The following RHOA variants were observed in gnomAD, a reference collection of about 807,000 sequenced individuals.
The protein encoded by RHOA is ras homolog family member A.
A neutral mutation model predicts 17.5 loss-of-function variants in RHOA; 3 were observed. That is an observed-to-expected ratio of 0.17 (90% CI 0.08 to 0.44). RHOA has a LOEUF of 0.44. RHOA is among the 20% of genes least tolerant of loss of function. The pLI, the probability that RHOA is intolerant of heterozygous loss-of-function variation, is 0.99. For synonymous variants in RHOA, 98 were observed against 88.4 expected (o/e 1.11, Z -0.61); for missense variants, 56 against 242.3 (o/e 0.23, Z 5.10).
intron 1 of RHOA, among the ~76,000 whole-genome samples, chr3:49,409,426 T>C (rs2048895979): frequency 1.3e-5 from 2 of 152,066 alleles, no homozygotes; most frequent in South Asian, 2.1e-4. Flanking sequence ...ACTACAACTA[T>C]ATGGCCAATT....
chr3:49,387,812 T>C (rs776965678), intron 1 of RHOA, among the ~76,000 whole-genome samples: 1 of 152,074 alleles, frequency 6.6e-6, no homozygotes, highest in Non-Finnish European at 1.5e-5. Flanking sequence ...TTGCATACAT[T>C]TCTTTTAGAT....
chr3:49,391,935 C>T (rs1575668724), intron 1 of RHOA, among the ~76,000 whole-genome samples: 1 of 145,172 alleles, frequency 6.9e-6, no homozygotes, highest in African/African-American at 2.6e-5. Flanking sequence ...TCAAGTGATT[C>T]TCCCGCCTCA....
intron 4 of RHOA, 93 bp from the exon 5 acceptor site, chr3:49,360,475 T>C: frequency 7.1e-7 from 1 of 1,410,718 alleles, no homozygotes; most frequent in Non-Finnish European, 9.4e-7. Context: ...AGATTTTTTT[T>C]TCTTTTTTTG....
At chr3:49,374,682 A>G (rs918709078) in intron 2 of RHOA, among the ~76,000 whole-genome samples, 9 of 152,154 alleles carry the variant, frequency 5.9e-5, no homozygotes, top group Non-Finnish European at 1.2e-4. Flanking sequence ...AGATTGTACC[A>G]CTGCACTCCA....
chr3:49,371,736 C>G (rs984352810), intron 2 of RHOA, among the ~76,000 whole-genome samples: 1 of 152,164 alleles, frequency 6.6e-6, no homozygotes, highest in Non-Finnish European at 1.5e-5. Flanking sequence ...AGAACCTCCC[C>G]CTATCTTGCG....
At chr3:49,401,551 T>C (rs1396065855) in intron 1 of RHOA, among the ~76,000 whole-genome samples, 1 of 90,740 alleles carries the variant, frequency 1.1e-5, no homozygotes, top group Non-Finnish European at 2.2e-5. Flanking sequence ...AGAATGAAAC[T>C]CTGTCTCAAA....
intron 4 of RHOA, chr3:49,360,944 G>C (rs1403353070): frequency 2.7e-6 from 1 of 369,026 alleles, no homozygotes; most frequent in Admixed American, 3.3e-5. Context: ...GTGGTAGTGG[G>C]CGCCTGTAAC....
chr3:49,369,301 G>GC (rs58627699), intron 2 of RHOA, among the ~76,000 whole-genome samples: 64,188 of 150,646 alleles, frequency 0.43, 15,082 homozygotes, highest in East Asian at 0.93. Flanking sequence ...GGGATTACAG[G>GC]CATGAGCCAC....
At position 49,381,604 on chromosome 3, in the gene RHOA, C is replaced by T. The variant is rs562034009; in HGVS notation, c.-2-6013G>A. 4.0e-5 allele frequency among the ~76,000 whole-genome samples: 6 copies of T among 151,026 alleles called. No homozygotes were observed. The East Asian group carries it at 7.9e-4, about 20-fold the overall frequency. On this transcript the variant is annotated intron_variant, in intron 1 of 4. Transcript: ENST00000418115. ...AAAAAAGGATTGGCATGGTGGCTCA[C>T]GCCTGTAATCCCAGCACTTTGGGAG...
intron 1 of RHOA, among the ~76,000 whole-genome samples, chr3:49,396,440 T>C (rs772919717): frequency 1.3e-5 from 2 of 151,934 alleles, no homozygotes; most frequent in Non-Finnish European, 2.9e-5. Context: ...TTGGGCGCGG[T>C]GGCTCGCACC....
intron 1 of RHOA, among the ~76,000 whole-genome samples, chr3:49,404,864 G>A (rs867854183): frequency 2.6e-5 from 4 of 151,428 alleles, no homozygotes; most frequent in African/African-American, 4.9e-5. Context: ...GCATGAACCC[G>A]GGAGGCAGAG....
chr3:49,402,936 C>G (rs960359668), intron 1 of RHOA, among the ~76,000 whole-genome samples: 4 of 151,508 alleles, frequency 2.6e-5, no homozygotes, highest in Non-Finnish European at 4.4e-5. Context: ...ACTCGGGAGG[C>G]TGAAGCAGAA....
At chr3:49,401,041 C>CAAAGAAAAAAAAAAAAA (rs2048715935) in intron 1 of RHOA, among the ~76,000 whole-genome samples, 1 of 67,584 alleles carries the variant, frequency 1.5e-5, no homozygotes. Flanking sequence ...GACTCCGTCT[C>CAAAGAAAAAAAAAAAAA]AAAAAAAAAA....
intron 3 of RHOA, 150 bp downstream of exon 3, chr3:49,368,278 G>C: frequency 1.1e-6 from 1 of 936,384 alleles, no homozygotes; most frequent in Non-Finnish European, 1.6e-6. Flanking sequence ...CAAGGCCCAC[G>C]CTCTACAATC....
At chr3:49,403,600 A>C (rs144438189) in intron 1 of RHOA, among the ~76,000 whole-genome samples, 1 of 151,922 alleles carries the variant, frequency 6.6e-6, no homozygotes, top group African/African-American at 2.4e-5. Context: ...GGTGGTGCAC[A>C]CCTGCAGTCC....
At chr3:49,387,113 G>A (rs866661050) in intron 1 of RHOA, among the ~76,000 whole-genome samples, 58 of 50,186 alleles carry the variant, frequency 1.2e-3, no homozygotes, top group Admixed American at 3.0e-3. Context: ...GAGAAACTCC[G>A]TCTCAAAAAA....
chr3:49,404,281 T>C (rs2107906232), intron 1 of RHOA, among the ~76,000 whole-genome samples: 1 of 121,558 alleles, frequency 8.2e-6, no homozygotes, highest in Admixed American at 9.5e-5. Context: ...CCAGCCTAGA[T>C]GACAAAACAA....
chr3:49,399,748 C>G (rs927577190), intron 1 of RHOA, among the ~76,000 whole-genome samples: 1 of 151,946 alleles, frequency 6.6e-6, no homozygotes, highest in East Asian at 1.9e-4. Flanking sequence ...ACAGGTACCT[C>G]TAGGGGCCAT....
chr3:49,410,138 A>G (rs2048908153), intron 1 of RHOA, among the ~76,000 whole-genome samples: 1 of 152,238 alleles, frequency 6.6e-6, no homozygotes, highest in African/African-American at 2.4e-5. Flanking sequence ...CAAGGTTTAA[A>G]AGAAGAAACA....
Sources: gnomAD v4.1 joint callset for allele counts (sites outside exome capture counted in the v4.1 genomes callset) on GRCh38, gnomAD v4.1.1 for gene constraint, MANE v1.5 for transcripts, NCBI Gene and HGNC (gene_info 2026-07-23, HGNC 2026-07-21) for gene names.